SMOC2: variants seen among roughly 807,000 people sequenced by gnomAD.
The protein encoded by SMOC2 is SPARC related modular calcium binding 2, also known as SPARC-related modular calcium-binding protein 2.
Under a neutral mutation model 61.4 loss-of-function variants are expected in SMOC2, and 39 were observed. That is an observed-to-expected ratio of 0.64 (90% CI 0.49 to 0.83). The LOEUF (loss-of-function observed/expected upper bound fraction) is 0.83. SMOC2 is among the 40% of genes least tolerant of loss of function. SMOC2 has a pLI of 0.00. For synonymous variants in SMOC2, 247 were observed against 239.9 expected (o/e 1.03, Z -0.27); for missense variants, 556 against 592.9 (o/e 0.94, Z 0.65).
chr6:168,659,074 T>TGTGGTGTATGTATGTGTATAGCGTGTG (rs34609802), intron 11 of SMOC2, among the ~76,000 whole-genome samples: 1 of 150,432 alleles, frequency 6.6e-6, no homozygotes, highest in African/African-American at 2.4e-5. Context: ...GTGTGAGTGG[T>TGTGGTGTATGTATGTGTATAGCGTGTG]GTGTATGTAT....
chr6:168,476,314 T>A (rs895687708), intron 1 of SMOC2, among the ~76,000 whole-genome samples: 17 of 152,112 alleles, frequency 1.1e-4, no homozygotes, highest in African/African-American at 3.9e-4. Context: ...GAGAAAGTGA[T>A]GTCTAACCCT....
Position 168,453,554 on chromosome 6 carries a change from C to A in SMOC2, c.84+12100C>A, listed in dbSNP as rs973185824. ...TCTCTTTGTCTCTCTCTGTACCTGT[C>A]TCTCTGATTCTCTCAGTCTCTGCCA... On this transcript the variant is annotated intron_variant, in intron 1 of 12. Coordinates refer to ENST00000356284, the MANE Select transcript of SMOC2 (RefSeq NM_001166412.2). The surrounding 1 kb of genome is among the most constrained non-coding windows in gnomAD (Gnocchi z 4.4). Among the ~76,000 whole-genome samples, 8 of 151,806 alleles carry A rather than the reference C, an allele frequency of 5.3e-5. No individual in the cohort carries two copies. The highest frequency in any genetic ancestry group is 1.3e-4 in the Admixed American group (2 of 15,248).
intron 2 of SMOC2, among the ~76,000 whole-genome samples, chr6:168,518,545 G>A (rs971775535): frequency 6.6e-6 from 1 of 151,880 alleles, no homozygotes; most frequent in South Asian, 2.1e-4. Context: ...GAGAGCGTGT[G>A]TATGCTTGTG....
intron 11 of SMOC2, among the ~76,000 whole-genome samples, chr6:168,653,852 A>C (rs1333466802): frequency 2.1e-4 from 25 of 120,596 alleles, no homozygotes; most frequent in African/African-American, 3.7e-4. Context: ...GAACTCACCA[A>C]CCCTGCACCT....
At chr6:168,649,889 G>A (rs1397772031) in intron 9 of SMOC2, among the ~76,000 whole-genome samples, 5 of 152,302 alleles carry the variant, frequency 3.3e-5, no homozygotes, top group Middle Eastern at 6.8e-3. Context: ...CAGTAGCACC[G>A]GGAACGGTCT....
intron 1 of SMOC2, among the ~76,000 whole-genome samples, chr6:168,494,552 C>G (rs2115035603): frequency 6.6e-6 from 1 of 152,344 alleles, no homozygotes; most frequent in Non-Finnish European, 1.5e-5. Context: ...TATGCATTTT[C>G]ACAGCCAACA....
chr6:168,615,356 T>C (rs1786047583), intron 9 of SMOC2, among the ~76,000 whole-genome samples: 1 of 62,834 alleles, frequency 1.6e-5, no homozygotes, highest in Non-Finnish European at 3.1e-5. Flanking sequence ...TCTTCACACC[T>C]ACAGCCAGCA....
At chr6:168,631,420 G>A (rs190846339) in intron 9 of SMOC2, among the ~76,000 whole-genome samples, 8 of 152,178 alleles carry the variant, frequency 5.3e-5, no homozygotes, top group South Asian at 2.1e-4. Flanking sequence ...GGAAAGGTTC[G>A]GCTCTGCAGG....
chr6:168,558,945 A>C (rs778015103), intron 7 of SMOC2, among the ~76,000 whole-genome samples: 2 of 151,632 alleles, frequency 1.3e-5, no homozygotes, highest in African/African-American at 2.4e-5. Flanking sequence ...GTGCGTGTGC[A>C]TGCGTGTGCA....
At chr6:168,532,655 C>T (rs1014196750) in intron 4 of SMOC2, among the ~76,000 whole-genome samples, 1 of 152,158 alleles carries the variant, frequency 6.6e-6, no homozygotes, top group Non-Finnish European at 1.5e-5. Context: ...GTAAGCTGAA[C>T]CTACATGCAA....
In SMOC2 at chr6:168,545,823, C is replaced by G. The variant is rs1783983326; in HGVS notation, c.512-1296C>G. On this transcript the variant is annotated intron_variant, in intron 5 of 12. Coordinates refer to ENST00000356284, the MANE Select transcript of SMOC2 (RefSeq NM_001166412.2). Reference sequence around the variant, plus strand: ...AACAGTAATAATGTATTTGATTGTCCTCATTCCAAAAAATTTCAAATATGT... The same window carrying G: ...AACAGTAATAATGTATTTGATTGTCGTCATTCCAAAAAATTTCAAATATGT... Among the ~76,000 whole-genome samples, 3 of 152,310 alleles carry G rather than the reference C, an allele frequency of 2.0e-5. No individual in the cohort carries two copies. The South Asian group carries it at 6.2e-4, about 32-fold the overall frequency.
intron 12 of SMOC2, chr6:168,665,047 A>G (rs1787626222): frequency 1.3e-5 from 4 of 299,426 alleles, no homozygotes; most frequent in South Asian, 5.6e-5. Context: ...TTGTTTAGCA[A>G]ATGTTTATGG....
rs1330657475 is a variant in SMOC2 at position 168,653,036 on chromosome 6, G to A, written c.1093G>A (p.Gly365Arg). 1 of 1,614,020 alleles carries A rather than the reference G, an allele frequency of 6.2e-7. No individual in the cohort carries two copies. The highest frequency in any genetic ancestry group is 1.1e-5 in the South Asian group (1 of 91,076). ...YFKLLDKNSS[G>R]DIGKKEIKPF... The stretch of plus-strand genomic sequence containing the variant: ...CAAACTACTGGATAAAAACTCCAGT[G>A]GAGACATCGGCAAAAAGGAAATCAA... Residue 365 changes from glycine (G) to arginine (R), a missense_variant, in exon 11 of 13, where the codon GGA becomes AGA. Physicochemically the swap from Gly to Arg is moderately radical, Grantham distance 125 (BLOSUM62 -2). Coordinates refer to ENST00000356284, the MANE Select transcript of SMOC2 (RefSeq NM_001166412.2).
intron 1 of SMOC2, among the ~76,000 whole-genome samples, chr6:168,470,190 C>T (rs992924563): frequency 3.3e-5 from 5 of 152,206 alleles, no homozygotes; most frequent in Admixed American, 2.0e-4. Context: ...TCCTCCTGCA[C>T]TTTGAGGTCT....
At chr6:168,598,672 G>A in intron 7 of SMOC2, 146 bp from the exon 8 acceptor site, 2 of 856,270 alleles carry the variant, frequency 2.3e-6, no homozygotes, top group Non-Finnish European at 3.7e-6. Context: ...CTCTCCTGCT[G>A]TGCCCCCCAC....
Position 168,511,811 on chromosome 6 carries a change from G to GTTTTTTTTTTTTTTTTTTTTT in SMOC2, c.256+1727_256+1728insTTTTTTTTTTTTTTTTTTTTT, listed in dbSNP as rs144317852. Among the ~76,000 whole-genome samples, 2 of 130,734 alleles carry GTTTTTTTTTTTTTTTTTTTTT rather than the reference G, an allele frequency of 1.5e-5. 1 individual carries two copies. 85.8% of individuals were successfully genotyped at this position (130,734 alleles called of 152,430 possible). Reference sequence around the variant, plus strand: ...GACAAATGGCTATTCATTATCAAGGGTTGTTTTTTTTTTTTTTTCTGAAAT... The same window carrying GTTTTTTTTTTTTTTTTTTTTT: ...GACAAATGGCTATTCATTATCAAGGGTTTTTTTTTTTTTTTTTTTTTTTGTTTTTTTTTTTTTTTCTGAAAT... On this transcript the variant is annotated intron_variant, in intron 2 of 12. Coordinates refer to ENST00000356284, the MANE Select transcript of SMOC2 (RefSeq NM_001166412.2).
chr6:168,483,560 C>A (rs889253903), intron 1 of SMOC2, among the ~76,000 whole-genome samples: 2 of 152,110 alleles, frequency 1.3e-5, no homozygotes, highest in African/African-American at 4.8e-5. Context: ...CAATCCCTAT[C>A]AAAATTCCAA....
At chr6:168,655,583 A>C in intron 11 of SMOC2, 2 of 358,314 alleles carry the variant, frequency 5.6e-6, no homozygotes, top group South Asian at 2.1e-5. Context: ...TGTACTAGAT[A>C]CCCGGCACAT....
chr6:168,620,519 A>G (rs1188560634), intron 9 of SMOC2, among the ~76,000 whole-genome samples: 1 of 152,166 alleles, frequency 6.6e-6, no homozygotes, highest in Non-Finnish European at 1.5e-5. Flanking sequence ...TATTGGGAAA[A>G]TGGAGACTGA....
Sources: allele counts gnomAD v4.1 joint callset (sites outside exome capture counted in the v4.1 genomes callset), GRCh38; gene constraint gnomAD v4.1.1; non-coding constraint Gnocchi (gnomAD v3.1); transcripts MANE v1.5; gene names NCBI Gene and HGNC (gene_info 2026-07-23, HGNC 2026-07-21).